The following PNPT1 variants were observed in gnomAD, a reference collection of about 807,000 sequenced individuals.
PNPT1 encodes polyribonucleotide nucleotidyltransferase 1, mitochondrial.
PNPT1 carries 53 observed loss-of-function variants against 119.5 expected under a neutral mutation model. The observed-to-expected ratio is 0.44, with a 90% CI of 0.36 to 0.56. The LOEUF is 0.56. Among genes scored for constraint, PNPT1 ranks in the 20% least tolerant of loss-of-function variants. The pLI, the probability that PNPT1 is intolerant of heterozygous loss-of-function variation, is 0.00. For missense variants in PNPT1, 948 were observed against 938.5 expected (o/e 1.01, Z -0.13); for synonymous variants, 357 against 322.1 (o/e 1.11, Z -1.16).
intron 26 of PNPT1, among the ~76,000 whole-genome samples, chr2:55,638,303 G>A (rs1289798758): frequency 2.1e-4 from 29 of 139,308 alleles, no homozygotes; most frequent in Admixed American, 4.3e-4. Flanking sequence ...CTCTGTCTCA[G>A]AAAAAAAAAA....
chr2:55,671,383 G>T lies in PNPT1; in HGVS notation c.919-7C>A. The T allele has an allele frequency of 6.6e-7, 1 of 1,516,736 alleles. No homozygotes were observed. The highest frequency in any genetic ancestry group is 8.9e-7 in the Non-Finnish European group (1 of 1,125,654). 94.0% of individuals were successfully genotyped at this position (1,516,736 alleles called of 1,614,324 possible). A position where few individuals can be genotyped will look rare whatever the true frequency, so the allele number is the denominator to read the frequency against. The stretch of plus-strand genomic sequence containing the variant: ...CAGCTTCATCTCTGGAAACCTAAAA[G>T]AAAGTTGAGGTTCAGTTATTACATA... On this transcript the variant is annotated splice_polypyrimidine_tract_variant and splice_region_variant and intron_variant, in intron 10 of 27. Coordinates refer to ENST00000447944, the MANE Select transcript of PNPT1 (RefSeq NM_033109.5).
chr2:55,686,508 A>C, intron 2 of PNPT1, 64 bp from the exon 3 acceptor site: 1 of 1,240,862 alleles, frequency 8.1e-7, no homozygotes, highest in Admixed American at 1.9e-5. Context: ...CTAAGTAGCA[A>C]CTGAATAAAT....
chr2:55,674,320 G>A (rs562974198), intron 8 of PNPT1, among the ~76,000 whole-genome samples: 10 of 152,298 alleles, frequency 6.6e-5, no homozygotes, highest in Admixed American at 2.0e-4. Flanking sequence ...GAGGCTGAGC[G>A]TGGTGGCTCA....
At chr2:55,642,466 A>G (rs1432576387) in intron 25 of PNPT1, among the ~76,000 whole-genome samples, 3 of 151,916 alleles carry the variant, frequency 2.0e-5, no homozygotes, top group South Asian at 2.1e-4. Context: ...ATAATTAGCT[A>G]GGCGTGGTGG....
chr2:55,679,165 A>C (rs1290659722), intron 8 of PNPT1, among the ~76,000 whole-genome samples: 5 of 152,300 alleles, frequency 3.3e-5, no homozygotes, highest in Admixed American at 2.6e-4. Context: ...ACAAGGAGTA[A>C]GTGAAAATGG....
At chr2:55,671,180 A>G in intron 11 of PNPT1, 139 bp downstream of exon 11, 1 of 459,268 alleles carries the variant, frequency 2.2e-6, no homozygotes, top group Non-Finnish European at 3.9e-6. Context: ...TGTAAAGTTG[A>G]AAGTCCTTTG....
At chr2:55,650,798 G>A (rs1227872742) in intron 18 of PNPT1, among the ~76,000 whole-genome samples, 4 of 136,078 alleles carry the variant, frequency 2.9e-5, no homozygotes, top group Admixed American at 7.4e-5. Context: ...CGGCAGCCGC[G>A]CCGTCTGAGA....
At position 55,634,099 on chromosome 2, in the gene PNPT1, CAATT is replaced by C. The variant is rs1695592091; in HGVS notation, c.*2134_*2137del. Among the ~76,000 whole-genome samples, 1 of 152,088 alleles carries C rather than the reference CAATT, an allele frequency of 6.6e-6. No individual in the cohort carries two copies. The highest frequency in any genetic ancestry group is 2.1e-4 in the South Asian group (1 of 4,826). On this transcript the variant is annotated 3_prime_UTR_variant, in exon 28 of 28. Transcript: ENST00000447944. Reference sequence around the variant, plus strand: ...GCAAATAAATTTAATCTTTCATTTTCAATTAATCTTTAATATTTCAGAAGTATAT... The same window carrying C: ...GCAAATAAATTTAATCTTTCATTTTCAATCTTTAATATTTCAGAAGTATAT...
intron 8 of PNPT1, among the ~76,000 whole-genome samples, chr2:55,677,346 C>A (rs1697104725): frequency 6.6e-6 from 1 of 152,314 alleles, no homozygotes; most frequent in Non-Finnish European, 1.5e-5. Context: ...ATAATCCCAG[C>A]ACTTTTGGTG....
intron 14 of PNPT1, among the ~76,000 whole-genome samples, chr2:55,660,408 C>A (rs1405655000): frequency 6.6e-6 from 1 of 152,044 alleles, no homozygotes; most frequent in African/African-American, 2.4e-5. Flanking sequence ...ATTTAGGAAA[C>A]CAATTTTACT....
At chr2:55,640,922 C>G (rs1235390941) in intron 25 of PNPT1, among the ~76,000 whole-genome samples, 1 of 151,962 alleles carries the variant, frequency 6.6e-6, no homozygotes, top group East Asian at 1.9e-4. Flanking sequence ...AAAGAAAAAA[C>G]ATGCAATAGA....
chr2:55,688,232 T>A (rs782577), intron 1 of PNPT1, among the ~76,000 whole-genome samples: 141,287 of 151,982 alleles, frequency 0.93, 66,207 homozygotes, highest in African/African-American at 0.96. Flanking sequence ...TATGGATGAG[T>A]TCTTACTATA....
chr2:55,684,419 G>A (rs1033058339), intron 4 of PNPT1, among the ~76,000 whole-genome samples: 6 of 152,240 alleles, frequency 3.9e-5, no homozygotes, highest in Non-Finnish European at 5.9e-5. Context: ...AGCCGAGATC[G>A]TGCCACTGCA....
At chr2:55,641,333 A>C (rs1265286126) in intron 25 of PNPT1, among the ~76,000 whole-genome samples, 3 of 130,140 alleles carry the variant, frequency 2.3e-5, no homozygotes, top group Admixed American at 9.0e-5. Flanking sequence ...CAGTGGTGCC[A>C]TCTGGGCTCA....
Position 55,693,663 on chromosome 2 carries a change from C to G in PNPT1, c.161G>C (p.Arg54Thr). 6.2e-7 allele frequency: 1 copy of G among 1,614,220 alleles called. No individual in the cohort carries two copies. The highest frequency in any genetic ancestry group is 2.2e-5 in the East Asian group (1 of 44,884). Residue 54 changes from arginine to threonine, a missense_variant and splice_region_variant, in exon 1 of 28, where the codon AGG becomes ACG. Transcript: ENST00000447944. ...SRAVAVDLGN[R>T]KLEISSGKLA... ...ACAGTGAACGCACGTCACTCCTTAC[C>G]TGTTGCCTAAGTCCACGGCCACAGC... is the stretch of plus-strand genomic sequence containing the variant.
chr2:55,690,571 C>T (rs1697564072), intron 1 of PNPT1, among the ~76,000 whole-genome samples: 1 of 152,182 alleles, frequency 6.6e-6, no homozygotes, highest in Non-Finnish European at 1.5e-5. Flanking sequence ...TAATGAAAAG[C>T]ATATTTATCT....
intron 22 of PNPT1, 45 bp downstream of exon 22, chr2:55,645,304 G>A (rs774553083): frequency 1.8e-5 from 25 of 1,376,386 alleles, no homozygotes; most frequent in Admixed American, 1.1e-4. Flanking sequence ...GATTACAGGC[G>A]TGAGCCACCG....
At position 55,679,766 on chromosome 2, in the gene PNPT1, C is replaced by T. The variant is rs778289436; in HGVS notation, c.595G>A (p.Glu199Lys). The change falls in exon 8 of 28, where the codon GAA (glutamate) becomes AAA (lysine). Residue 199 changes from glutamate to lysine, a missense_variant. Transcript: ENST00000447944. The part of the protein sequence containing the change: ...GAVRIGIIDG[E>K]YVVNPTRKEM... ...TTTCTTGTTGGGTTAACAACATATT[C>T]TCCATCAATTATTCCTATTCGTACT... The T allele has an allele frequency of 3.1e-6, 5 of 1,609,806 alleles. No homozygotes were observed. The South Asian group carries it at 3.3e-5, about 11-fold the overall frequency.
Position 55,647,451 on chromosome 2 carries a change from C to A in PNPT1, c.1498G>T (p.Val500Phe), listed in dbSNP as rs773282393. 3 of 1,605,036 alleles carry A rather than the reference C, an allele frequency of 1.9e-6. No homozygotes were observed. The highest frequency in any genetic ancestry group is 8.5e-7 in the Non-Finnish European group (1 of 1,174,864). The change falls in exon 19 of 28, where the codon GTT becomes TTT. Residue 500 changes from valine (V) to phenylalanine (F), a missense_variant and splice_region_variant. Physicochemically the swap from Val to Phe is conservative, Grantham distance 50. Coordinates refer to ENST00000447944, the MANE Select transcript of PNPT1 (RefSeq NM_033109.5). ...GGSLALMDSG[V>F]PISSAVAGVA... ...CCTGCAACAGCAGATGAAATTGGAACCCCTATAATTGGGAAAAAGAACAAC... is the reference window on the plus strand; with the variant it reads ...CCTGCAACAGCAGATGAAATTGGAAACCCTATAATTGGGAAAAAGAACAAC...
Sources: gnomAD v4.1 joint callset for allele counts (sites outside exome capture counted in the v4.1 genomes callset) on GRCh38, gnomAD v4.1.1 for gene constraint, MANE v1.5 for transcripts, NCBI Gene and HGNC (gene_info 2026-07-23, HGNC 2026-07-21) for gene names.